Variants in JDP2 observed in about 807,000 individuals in gnomAD.
JDP2 encodes Jun dimerization protein 2.
Under a neutral mutation model 17.1 loss-of-function variants are expected in JDP2, and 9 were observed. The observed-to-expected ratio is 0.53, with a 90% CI of 0.32 to 0.92. The LOEUF is 0.92. JDP2 is among the 40% of genes least tolerant of loss of function. The pLI is 0.04. For missense variants in JDP2, 179 were observed against 220.0 expected, an observed-to-expected ratio of 0.81 and a Z score of 1.18; for synonymous variants, 107 against 95.6, an observed-to-expected ratio of 1.12 and a Z score of -0.69.
intron 2 of JDP2, 65 bp downstream of exon 2, chr14:75,438,186 C>T: frequency 2.3e-6 from 3 of 1,279,836 alleles, no homozygotes; most frequent in South Asian, 2.8e-5. Context: ...GGGACCTTAA[C>T]CTTGCTGTTC....
At chr14:75,452,166 T>C (rs966281851) in intron 2 of JDP2, among the ~76,000 whole-genome samples, 1 of 152,160 alleles carries the variant, frequency 6.6e-6, no homozygotes, top group Admixed American at 6.5e-5. Flanking sequence ...GCTGGATGAA[T>C]GAAAACCCAG....
intron 3 of JDP2, among the ~76,000 whole-genome samples, chr14:75,464,998 C>A (rs1228686914): frequency 6.6e-6 from 1 of 152,214 alleles, no homozygotes; most frequent in Non-Finnish European, 1.5e-5. Flanking sequence ...GCCACTCTCT[C>A]CTGATGGTCA....
At position 75,469,616 on chromosome 14, in the gene JDP2, G is replaced by A. The variant is rs1271806343; in HGVS notation, c.*141G>A. 6.7e-6 allele frequency: 5 copies of A among 741,624 alleles called. No homozygotes were observed. Among genetic ancestry groups the A allele is most frequent in the African/African-American group, 1.8e-5 (1 of 55,992 alleles). The allele number at this position is 741,624 out of a possible 1,614,324, so 45.9% of individuals were successfully genotyped here. ...AGGTTCAGCACAGCCAGCATCAGCC[G>A]AGCTTTTTTGTGAAACTCAGATCAG... On this transcript the variant is annotated 3_prime_UTR_variant, in exon 4 of 4. Transcript: ENST00000651602.
At chr14:75,433,733 T>C (rs1884928986) in intron 1 of JDP2, among the ~76,000 whole-genome samples, 1 of 152,068 alleles carries the variant, frequency 6.6e-6, no homozygotes, top group Non-Finnish European at 1.5e-5. Flanking sequence ...GGATGTGTGC[T>C]TCACCCAGCT....
At position 75,471,261 on chromosome 14, in the gene JDP2, G is replaced by A. The variant is rs2194525; in HGVS notation, c.*1786G>A. ...AGGGAAGGGTGTGGATGGCTTCTCT[G>A]CCCCCTCACCTCGACAGCTGAATCC... On this transcript the variant is annotated 3_prime_UTR_variant, in exon 4 of 4. Transcript: ENST00000651602. 0.22 allele frequency: 33,548 copies of A among 152,166 alleles called. 4,790 individuals carry two copies. The highest frequency in any genetic ancestry group is 0.4 in the African/African-American group (16,664 of 41,422). The allele number at this position is 152,166 out of a possible 1,614,324, so 9.4% of individuals were successfully genotyped here.
At chr14:75,465,615 C>G (rs1886539127) in intron 3 of JDP2, among the ~76,000 whole-genome samples, 1 of 152,160 alleles carries the variant, frequency 6.6e-6, no homozygotes, top group Non-Finnish European at 1.5e-5. Context: ...CAGGTGTGAG[C>G]CACCATGCCC....
At chr14:75,460,414 CAT>C (rs1886302223) in intron 2 of JDP2, among the ~76,000 whole-genome samples, 1 of 151,722 alleles carries the variant, frequency 6.6e-6, no homozygotes, top group African/African-American at 2.4e-5. Flanking sequence ...AAGAAAGGAA[CAT>C]TGGGTATGGA....
At chr14:75,456,828 C>T (rs1053030089) in intron 2 of JDP2, among the ~76,000 whole-genome samples, 2 of 152,206 alleles carry the variant, frequency 1.3e-5, no homozygotes, top group African/African-American at 4.8e-5. Context: ...ATGCCTCGTC[C>T]AGTCAGCTGT....
At position 75,470,798 on chromosome 14, in the gene JDP2, T is replaced by C. The variant is rs997168116; in HGVS notation, c.*1323T>C. 2.6e-5 allele frequency: 4 copies of C among 152,246 alleles called. No individual in the cohort carries two copies. Among genetic ancestry groups the C allele is most frequent in the Admixed American group, 6.5e-5 (1 of 15,292 alleles). The allele number at this position is 152,246 out of a possible 1,614,324, so 9.4% of individuals were successfully genotyped here. On this transcript the variant is annotated 3_prime_UTR_variant, in exon 4 of 4. Coordinates refer to ENST00000651602, the MANE Select transcript of JDP2 (RefSeq NM_001135048.2). ...CATAAGTTGTCTCATTTCGTCTTCA[T>C]GGCAGCCTTGCCAGGGAACAGCACT...
chr14:75,446,897 T>C (rs925167755), intron 2 of JDP2, among the ~76,000 whole-genome samples: 1 of 152,186 alleles, frequency 6.6e-6, no homozygotes, highest in Non-Finnish European at 1.5e-5. Context: ...AAAGGAATAA[T>C]GTATACAAAT....
At position 75,428,813 on chromosome 14, in the gene JDP2, G is replaced by C. The variant is rs1307448888; in HGVS notation, c.-24+561G>C. Among the ~76,000 whole-genome samples, 1 of 152,188 alleles carries C rather than the reference G, an allele frequency of 6.6e-6. No individual in the cohort carries two copies. The highest frequency in any genetic ancestry group is 1.5e-5 in the Non-Finnish European group (1 of 68,026). Reference sequence around the variant, plus strand: ...TCGGGATTTCCATCCAATGAAGGCAGCTTCTCTCATGGCCATTGCTTCGGA... The same window carrying C: ...TCGGGATTTCCATCCAATGAAGGCACCTTCTCTCATGGCCATTGCTTCGGA... On this transcript the variant is annotated intron_variant, in intron 1 of 3. Coordinates refer to ENST00000651602, the MANE Select transcript of JDP2 (RefSeq NM_001135048.2). The surrounding 1 kb of genome is among the most constrained non-coding windows in gnomAD (Gnocchi z 5.6).
chr14:75,436,335 C>A (rs12589889), intron 1 of JDP2, among the ~76,000 whole-genome samples: 1 of 152,122 alleles, frequency 6.6e-6, no homozygotes, highest in Non-Finnish European at 1.5e-5. Flanking sequence ...AACTGCCCAA[C>A]GGAGAAGTAT....
chr14:75,443,186 G>A (rs888004389), intron 2 of JDP2, among the ~76,000 whole-genome samples: 3 of 152,090 alleles, frequency 2.0e-5, no homozygotes, highest in Admixed American at 6.5e-5. Context: ...GCCCCAGGTG[G>A]TCTTCCCAGA....
At chr14:75,441,033 G>A (rs986489338) in intron 2 of JDP2, among the ~76,000 whole-genome samples, 1 of 152,140 alleles carries the variant, frequency 6.6e-6, no homozygotes, top group African/African-American at 2.4e-5. Flanking sequence ...GGATGAACCT[G>A]GCCGCAGAAT....
chr14:75,431,247 T>C (rs563617044), intron 1 of JDP2, among the ~76,000 whole-genome samples: 42 of 152,342 alleles, frequency 2.8e-4, no homozygotes, highest in Non-Finnish European at 5.1e-4. Context: ...TATGTATTTA[T>C]TGAGCGCCTA....
At chr14:75,456,058 G>A (rs1283392078) in intron 2 of JDP2, among the ~76,000 whole-genome samples, 1 of 152,202 alleles carries the variant, frequency 6.6e-6, no homozygotes, top group Non-Finnish European at 1.5e-5. Flanking sequence ...TGACCTCCAA[G>A]GGTAGAAGCT....
chr14:75,468,437 C>A (rs539786183), intron 3 of JDP2, among the ~76,000 whole-genome samples: 1 of 152,174 alleles, frequency 6.6e-6, no homozygotes, highest in Non-Finnish European at 1.5e-5. Flanking sequence ...CAGACATAAT[C>A]CAAGAAAAAT....
At chr14:75,447,210 G>A (rs1317696618) in intron 2 of JDP2, among the ~76,000 whole-genome samples, 1 of 152,192 alleles carries the variant, frequency 6.6e-6, no homozygotes, top group Non-Finnish European at 1.5e-5. Context: ...TGAAAACCTG[G>A]TAATCCAGTT....
rs766571051 is a variant in JDP2, at chr14:75,445,694, G to T, written c.201+7573G>T. On this transcript the variant is annotated intron_variant, in intron 2 of 3. Coordinates refer to ENST00000651602, the MANE Select transcript of JDP2 (RefSeq NM_001135048.2). Reference sequence around the variant, plus strand: ...AAATGGATCGAAGGCCTAAATGTAAGAGTGAAAACTAGAAAACTCTTAGAA... The same window carrying T: ...AAATGGATCGAAGGCCTAAATGTAATAGTGAAAACTAGAAAACTCTTAGAA... 1.6e-5 allele frequency: 10 copies of T among 637,874 alleles called. No homozygotes were observed. In the Middle Eastern group the frequency reaches 3.2e-3, roughly 203 times the overall value. The allele number at this position is 637,874 out of a possible 1,614,324, so 39.5% of individuals were successfully genotyped here. A position where few individuals can be genotyped will look rare whatever the true frequency, so the allele number is the denominator to read the frequency against.
Sources: allele counts gnomAD v4.1 joint callset (sites outside exome capture counted in the v4.1 genomes callset), GRCh38; gene constraint gnomAD v4.1.1; non-coding constraint Gnocchi (gnomAD v3.1); transcripts MANE v1.5; gene names NCBI Gene and HGNC (gene_info 2026-07-23, HGNC 2026-07-21).